CFAP45: variants seen among roughly 807,000 people sequenced by gnomAD.
The protein encoded by CFAP45 is cilia- and flagella-associated protein 45.
Under a neutral mutation model 75.6 loss-of-function variants are expected in CFAP45, and 43 were observed. The ratio of observed to expected loss-of-function variants is 0.57; its 90% confidence interval spans 0.45 to 0.73. The LOEUF (loss-of-function observed/expected upper bound fraction) is 0.73. Among genes scored for constraint, CFAP45 ranks in the 30% least tolerant of loss-of-function variants. The pLI, the probability that CFAP45 is intolerant of heterozygous loss-of-function variation, is 0.00. For synonymous variants in CFAP45, 223 were observed against 244.6 expected (o/e 0.91, Z 0.82); for missense variants, 689 against 701.5 (o/e 0.98, Z 0.20).
intron 1 of CFAP45, among the ~76,000 whole-genome samples, chr1:159,897,195 C>T (rs1165151690): frequency 6.6e-6 from 1 of 152,056 alleles, no homozygotes; most frequent in East Asian, 1.9e-4. Flanking sequence ...TCCCGGGAGG[C>T]AGAGGTTGCA....
intron 1 of CFAP45, among the ~76,000 whole-genome samples, chr1:159,896,860 G>A (rs1455724648): frequency 6.6e-6 from 1 of 152,208 alleles, no homozygotes; most frequent in Non-Finnish European, 1.5e-5. Context: ...CTCTATGAGA[G>A]ACTCTGATGC....
intron 8 of CFAP45, among the ~76,000 whole-genome samples, chr1:159,878,981 C>T (rs1649482385): frequency 6.6e-6 from 1 of 151,998 alleles, no homozygotes; most frequent in South Asian, 2.1e-4. Flanking sequence ...GAATAGATAC[C>T]ACCGTGAGGT....
At chr1:159,874,515 A>G (rs1649355784) in intron 10 of CFAP45, among the ~76,000 whole-genome samples, 1 of 152,202 alleles carries the variant, frequency 6.6e-6, no homozygotes, top group Non-Finnish European at 1.5e-5. Context: ...CTCTGATAGC[A>G]GGGGGACTCT....
intron 1 of CFAP45, among the ~76,000 whole-genome samples, chr1:159,899,782 C>T (rs1650031585): frequency 1.3e-5 from 2 of 152,102 alleles, no homozygotes; most frequent in African/African-American, 4.8e-5. Flanking sequence ...GTGCTTTTTC[C>T]CACACCACAT....
chr1:159,899,792 T>C (rs1650031996), intron 1 of CFAP45, among the ~76,000 whole-genome samples: 1 of 152,000 alleles, frequency 6.6e-6, no homozygotes, highest in Non-Finnish European at 1.5e-5. Context: ...CCACACCACA[T>C]CCACAATCTT....
At chr1:159,875,272 C>T (rs1167053480) in intron 10 of CFAP45, among the ~76,000 whole-genome samples, 1 of 152,116 alleles carries the variant, frequency 6.6e-6, no homozygotes, top group Non-Finnish European at 1.5e-5. Flanking sequence ...GGCATAGAGG[C>T]CAGGGAGGAG....
chr1:159,876,527 G>A (rs372018644), intron 10 of CFAP45, 29 bp downstream of exon 10: 107 of 1,510,342 alleles, frequency 7.1e-5, no homozygotes, highest in Non-Finnish European at 9.5e-5. Flanking sequence ...TACAAGGAAA[G>A]GAATCCAAGG....
chr1:159,874,789 T>C (rs1352495255), intron 10 of CFAP45, among the ~76,000 whole-genome samples: 3 of 152,168 alleles, frequency 2.0e-5, no homozygotes, highest in Non-Finnish European at 4.4e-5. Context: ...TCCCAGACCA[T>C]TTAAATCACA....
At position 159,886,914 on chromosome 1, in the gene CFAP45, G is replaced by A. The variant is rs1649702153; in HGVS notation, c.589-225C>T. 2.0e-5 allele frequency among the ~76,000 whole-genome samples: 3 copies of A among 152,270 alleles called. No homozygotes were observed. The East Asian group carries it at 5.8e-4, about 29-fold the overall frequency. ...GGTGCCAGGGTCTGTGCAAGGAGGG[G>A]CCTGGAATAGCATCTTTCAGGGAGC... On this transcript the variant is annotated intron_variant, in intron 5 of 11. Coordinates refer to ENST00000368099, the MANE Select transcript of CFAP45 (RefSeq NM_012337.3).
At chr1:159,894,137 G>GT (rs1175287890) in intron 1 of CFAP45, among the ~76,000 whole-genome samples, 1 of 152,072 alleles carries the variant, frequency 6.6e-6, no homozygotes. Flanking sequence ...AAACTGTTTT[G>GT]TTTTTTGTGG....
chr1:159,874,386 T>C (rs770236739), intron 10 of CFAP45, among the ~76,000 whole-genome samples: 1 of 152,186 alleles, frequency 6.6e-6, no homozygotes, highest in Non-Finnish European at 1.5e-5. Context: ...CTTTCCATCA[T>C]GCAAACATCT....
At chr1:159,892,534 C>T (rs1488712364) in intron 2 of CFAP45, among the ~76,000 whole-genome samples, 2 of 152,144 alleles carry the variant, frequency 1.3e-5, no homozygotes, top group African/African-American at 4.8e-5. Flanking sequence ...CTCTTTTCCC[C>T]TTCTCTTAAT....
chr1:159,895,627 A>G (rs573526417), intron 1 of CFAP45, among the ~76,000 whole-genome samples: 33 of 152,348 alleles, frequency 2.2e-4, no homozygotes, highest in Admixed American at 6.5e-4. Context: ...GCCAGCCCCA[A>G]TACTGTAGAG....
chr1:159,893,487 C>G (rs1407492163), intron 1 of CFAP45, among the ~76,000 whole-genome samples, 182 bp from the exon 2 acceptor site: 1 of 152,138 alleles, frequency 6.6e-6, no homozygotes, highest in Non-Finnish European at 1.5e-5. Flanking sequence ...GGAGGGCATC[C>G]CCACAGAGCA....
intron 2 of CFAP45, among the ~76,000 whole-genome samples, chr1:159,892,856 C>T (rs1310488404): frequency 2.0e-5 from 3 of 152,210 alleles, no homozygotes; most frequent in African/African-American, 7.2e-5. Flanking sequence ...CTTAGCCCAT[C>T]AGCCCTGCAA....
At chr1:159,889,430 A>T (rs1358389027) in intron 3 of CFAP45, among the ~76,000 whole-genome samples, 3 of 152,238 alleles carry the variant, frequency 2.0e-5, no homozygotes, top group African/African-American at 7.2e-5. Context: ...GGTCCAGGAG[A>T]TGGACAGAAT....
intron 2 of CFAP45, among the ~76,000 whole-genome samples, chr1:159,891,743 G>A (rs563554232): frequency 2.1e-4 from 32 of 152,164 alleles, no homozygotes; most frequent in African/African-American, 7.2e-4. Context: ...CTGCTTTCAC[G>A]TGGGCACAAC....
chr1:159,888,627 G>A (rs1475580163), intron 3 of CFAP45, 131 bp from the exon 4 acceptor site: 27 of 800,132 alleles, frequency 3.4e-5, no homozygotes, highest in Non-Finnish European at 4.9e-5. Context: ...GAGACGGCAA[G>A]TGTGCCATGG....
intron 8 of CFAP45, 107 bp from the exon 9 acceptor site, chr1:159,877,569 A>T: frequency 2.5e-6 from 2 of 805,884 alleles, no homozygotes; most frequent in South Asian, 1.4e-5. Flanking sequence ...CCACTTCCTG[A>T]CTCCTTTTAA....
Sources: gnomAD v4.1 joint callset for allele counts (sites outside exome capture counted in the v4.1 genomes callset) on GRCh38, gnomAD v4.1.1 for gene constraint, MANE v1.5 for transcripts, NCBI Gene and HGNC (gene_info 2026-07-23, HGNC 2026-07-21) for gene names.